ENKUR: variants seen among roughly 807,000 people sequenced by gnomAD.
ENKUR encodes enkurin.
A neutral mutation model predicts 27.6 loss-of-function variants in ENKUR; 19 were observed. The observed-to-expected ratio is 0.69, with a 90% CI of 0.48 to 1.01. The LOEUF (loss-of-function observed/expected upper bound fraction) is 1.01. Among genes scored for constraint, ENKUR ranks in the 50% least tolerant of loss-of-function variants. The pLI is 0.00. For synonymous variants in ENKUR, 117 were observed against 96.9 expected (o/e 1.21, Z -1.22); for missense variants, 312 against 310.5 (o/e 1.00, Z -0.04).
chr10:25,061,087 G>C lies in ENKUR; in HGVS notation c.37+25C>G, dbSNP rs1452189601. On this transcript the variant is annotated intron_variant, in intron 2 of 5. Transcript: ENST00000615958. ...GGCTGGCTGCCCAGATGCAAAACCTGTGAACACAAGAATGTCAGTATTACC... is the reference window on the plus strand; with the variant it reads ...GGCTGGCTGCCCAGATGCAAAACCTCTGAACACAAGAATGTCAGTATTACC... 11 of 1,535,490 alleles carry C rather than the reference G, an allele frequency of 7.2e-6. No homozygotes were observed. The Admixed American group carries it at 2.0e-4, about 27-fold the overall frequency.
At chr10:25,017,128 A>T (rs1310600332), upstream of ENKUR, among the ~76,000 whole-genome samples, 1 of 152,244 alleles carries the variant, frequency 6.6e-6, no homozygotes, top group Admixed American at 6.5e-5. Context: ...TCCAGGAACC[A>T]GTGGACCTGC....
In ENKUR at chr10:24,995,789, C is replaced by T. The variant is rs765692711; in HGVS notation, c.304G>A (p.Gly102Arg). ...TDHPVMGIQSGKNFINTNAAD... is the reference protein window; with the variant it reads ...TDHPVMGIQSRKNFINTNAAD... Reference sequence around the variant, plus strand: ...GCATTTGTATTTATAAAATTTTTTCCACTCTGTATTCCCATGACAGGATGA... The same window carrying T: ...GCATTTGTATTTATAAAATTTTTTCTACTCTGTATTCCCATGACAGGATGA... The change falls in exon 3 of 6, where the codon GGA (glycine) becomes AGA (arginine). Residue 102 changes from glycine (G) to arginine (R), a missense_variant. Transcript: ENST00000331161. 3 of 1,613,856 alleles carry T rather than the reference C, an allele frequency of 1.9e-6. No homozygotes were observed. The African/African-American group carries it at 4.0e-5, about 22-fold the overall frequency.
intron 2 of ENKUR, among the ~76,000 whole-genome samples, chr10:25,021,461 T>C (rs74767611): frequency 0.036 from 5,429 of 152,264 alleles, 341 homozygotes; most frequent in African/African-American, 0.12. Context: ...CCAGATATCC[T>C]TCTGAAAAGT....
chr10:24,991,885 G>A (rs1450370114), intron 3 of ENKUR, among the ~76,000 whole-genome samples: 1 of 152,228 alleles, frequency 6.6e-6, no homozygotes, highest in African/African-American at 2.4e-5. Context: ...TTCAGGAGCT[G>A]TAAACATCGA....
chr10:25,041,128 G>A (rs1011635221), intron 2 of ENKUR, among the ~76,000 whole-genome samples: 1 of 151,726 alleles, frequency 6.6e-6, no homozygotes, highest in Non-Finnish European at 1.5e-5. Context: ...ATTTATTCAC[G>A]ACCAATTCCT....
At chr10:25,057,223 A>G (rs1851269344) in intron 2 of ENKUR, among the ~76,000 whole-genome samples, 1 of 152,198 alleles carries the variant, frequency 6.6e-6, no homozygotes, top group South Asian at 2.1e-4. Flanking sequence ...AAAGATACAA[A>G]CTAAAGTCAT....
intron 2 of ENKUR, among the ~76,000 whole-genome samples, chr10:24,996,527 C>T (rs1850063129): frequency 6.6e-6 from 1 of 152,114 alleles, no homozygotes; most frequent in African/African-American, 2.4e-5. Flanking sequence ...CGTTTTTACA[C>T]AGCCTCTTCA....
chr10:25,010,612 A>C (rs1266873869), intron 1 of ENKUR, among the ~76,000 whole-genome samples: 1 of 148,630 alleles, frequency 6.7e-6, no homozygotes, highest in African/African-American at 2.5e-5. Flanking sequence ...ACCCCACAAC[A>C]GTCCCCAGAG....
At chr10:25,038,906 C>T (rs1851034505) in intron 2 of ENKUR, among the ~76,000 whole-genome samples, 1 of 152,080 alleles carries the variant, frequency 6.6e-6, no homozygotes, top group Non-Finnish European at 1.5e-5. Flanking sequence ...CAATAGTTGT[C>T]AAAGGTTGTG....
Position 25,024,428 on chromosome 10 carries a change from C to T in ENKUR, c.38-28559G>A, listed in dbSNP as rs370053457. The T allele has an allele frequency of 6.2e-6, 10 of 1,613,956 alleles. No homozygotes were observed. Among genetic ancestry groups the T allele is most frequent in the East Asian group, 2.2e-5 (1 of 44,880 alleles). On this transcript the variant is annotated intron_variant, in intron 2 of 5. Coordinates refer to the ENKUR transcript ENST00000615958. Reference sequence around the variant, plus strand: ...AATAAGAATGATAAGCAAAGGATAGCTGTGGTTGCATTTTTTCCTGAGAAT... The same window carrying T: ...AATAAGAATGATAAGCAAAGGATAGTTGTGGTTGCATTTTTTCCTGAGAAT...
upstream of ENKUR, among the ~76,000 whole-genome samples, chr10:25,018,368 C>G (rs1025848581): frequency 6.6e-6 from 1 of 152,116 alleles, no homozygotes; most frequent in Non-Finnish European, 1.5e-5. Context: ...TGGTATATAC[C>G]TACAGGGATG....
intron 2 of ENKUR, among the ~76,000 whole-genome samples, chr10:25,047,156 T>C (rs1223685040): frequency 1.3e-5 from 2 of 152,196 alleles, no homozygotes; most frequent in East Asian, 1.9e-4. Flanking sequence ...CTCTCATAAA[T>C]GTAATTCAAA....
At position 25,025,080 on chromosome 10, in the gene ENKUR, C is replaced by T. The variant is rs779372531; in HGVS notation, c.38-29211G>A. The T allele has an allele frequency of 4.9e-5, 79 of 1,614,050 alleles. 2 individuals are homozygous for T. The Admixed American group carries it at 1.2e-3, about 25-fold the overall frequency. On this transcript the variant is annotated intron_variant, in intron 2 of 5. Coordinates refer to the ENKUR transcript ENST00000615958. ...AGCAGGATTTTGTAGCTGACTGGTG[C>T]TCTGAGGGAGAGTGCCTAGCAGCTA...
chr10:25,021,593 TAAC>T (rs959790977), intron 2 of ENKUR: 44 of 152,352 alleles, frequency 2.9e-4, no homozygotes, highest in African/African-American at 1.1e-3. Context: ...AATCTTCTAA[TAAC>T]AGATTTGGGG....
At chr10:25,050,697 A>C (rs1851179000) in intron 2 of ENKUR, among the ~76,000 whole-genome samples, 3 of 152,128 alleles carry the variant, frequency 2.0e-5, no homozygotes, top group African/African-American at 7.2e-5. Flanking sequence ...TGGGGTGATA[A>C]GAATGTGCAG....
At chr10:24,996,191 C>T (rs1850049948) in intron 2 of ENKUR, among the ~76,000 whole-genome samples, 2 of 152,284 alleles carry the variant, frequency 1.3e-5, no homozygotes, top group African/African-American at 2.4e-5. Flanking sequence ...CCCACGGTGA[C>T]GTGGGCAGAT....
chr10:25,058,276 C>T (rs1851282701), intron 2 of ENKUR, among the ~76,000 whole-genome samples: 1 of 152,080 alleles, frequency 6.6e-6, no homozygotes, highest in African/African-American at 2.4e-5. Flanking sequence ...GGTATGATCA[C>T]AGCTCACTGC....
intron 4 of ENKUR, among the ~76,000 whole-genome samples, chr10:24,987,622 T>C (rs1026657929): frequency 2.6e-5 from 4 of 152,146 alleles, no homozygotes; most frequent in Non-Finnish European, 5.9e-5. Context: ...ATAAATTCTC[T>C]TCCAAGTCCT....
intron 1 of ENKUR, among the ~76,000 whole-genome samples, chr10:25,006,128 GA>G (rs547113864): frequency 9.7e-4 from 147 of 152,156 alleles, no homozygotes; most frequent in African/African-American, 3.4e-3. Flanking sequence ...TAGATAGCAG[GA>G]AAATCTATCC....
Sources: gnomAD v4.1 joint callset for allele counts (sites outside exome capture counted in the v4.1 genomes callset) on GRCh38, gnomAD v4.1.1 for gene constraint, MANE v1.5 for transcripts, NCBI Gene and HGNC (gene_info 2026-07-23, HGNC 2026-07-21) for gene names.